Variants in DNAL4 observed in about 807,000 individuals in gnomAD.
DNAL4 encodes dynein axonemal light chain 4.
A neutral mutation model predicts 12.6 loss-of-function variants in DNAL4; 10 were observed. That is an observed-to-expected ratio of 0.79 (90% CI 0.49 to 1.34). The LOEUF (loss-of-function observed/expected upper bound fraction) is 1.34, where lower values mean the gene tolerates loss of function less well. DNAL4 is among the 40% of genes most tolerant of loss of function. The pLI, the probability that DNAL4 is intolerant of heterozygous loss-of-function variation, is 0.00. For synonymous variants in DNAL4, 46 were observed against 53.1 expected (o/e 0.87, Z 0.58); for missense variants, 128 against 138.1 (o/e 0.93, Z 0.37).
chr22:38,781,057 ACCTGGCCTT>A (rs1419456860), intron 2 of DNAL4, 48 bp from the exon 3 acceptor site: 7 of 1,605,986 alleles, frequency 4.4e-6, no homozygotes, highest in Non-Finnish European at 5.1e-6. Flanking sequence ...TTAGCCCGTG[ACCTGGCCTT>A]CCTGGCTGGC....
intron 1 of DNAL4, among the ~76,000 whole-genome samples, chr22:38,791,029 T>G (rs1446489969): frequency 6.6e-6 from 1 of 151,872 alleles, no homozygotes; most frequent in Non-Finnish European, 1.5e-5. Context: ...TTAGCTGGTG[T>G]TGTGGCGCGC....
At chr22:38,791,245 GA>G (rs1166286161) in intron 1 of DNAL4, among the ~76,000 whole-genome samples, 1 of 152,062 alleles carries the variant, frequency 6.6e-6, no homozygotes, top group Admixed American at 6.6e-5. Context: ...CACTTCCCAT[GA>G]ATGAAGCGTA....
At chr22:38,785,330 T>A (rs2093040676) in intron 1 of DNAL4, 1 of 152,260 alleles carries the variant, frequency 6.6e-6, no homozygotes, top group African/African-American at 2.4e-5. Context: ...TGTTTATCTC[T>A]GAGAATTTCA....
intron 1 of DNAL4, among the ~76,000 whole-genome samples, chr22:38,790,654 G>C (rs761517195): frequency 6.6e-6 from 1 of 152,182 alleles, no homozygotes; most frequent in Non-Finnish European, 1.5e-5. Context: ...ACAGTCATGC[G>C]TTGCTTAATG....
intron 1 of DNAL4, among the ~76,000 whole-genome samples, chr22:38,788,316 C>T (rs910754640): frequency 5.9e-5 from 9 of 152,198 alleles, no homozygotes; most frequent in Non-Finnish European, 1.2e-4. Context: ...TTAGAAGATA[C>T]ATCATCTACT....
At chr22:38,787,630 T>C (rs2093044518) in intron 1 of DNAL4, among the ~76,000 whole-genome samples, 1 of 152,216 alleles carries the variant, frequency 6.6e-6, no homozygotes, top group Non-Finnish European at 1.5e-5. Context: ...TCCTTCTTCA[T>C]AGACCAACCT....
chr22:38,791,156 G>A (rs2093049983), intron 1 of DNAL4, among the ~76,000 whole-genome samples: 1 of 148,522 alleles, frequency 6.7e-6, no homozygotes, highest in African/African-American at 2.5e-5. Flanking sequence ...AGCAGAGCGA[G>A]TCTCCACCTC....
chr22:38,788,283 T>C (rs1432980368), intron 1 of DNAL4, among the ~76,000 whole-genome samples: 1 of 152,192 alleles, frequency 6.6e-6, no homozygotes, highest in Non-Finnish European at 1.5e-5. Flanking sequence ...GCTGCCATTT[T>C]AAAATTCTGC....
At chr22:38,788,687 A>C (rs2093046071) in intron 1 of DNAL4, among the ~76,000 whole-genome samples, 2 of 152,246 alleles carry the variant, frequency 1.3e-5, no homozygotes, top group African/African-American at 4.8e-5. Flanking sequence ...GCTCCCGGAG[A>C]ACAGCTGCTC....
chr22:38,784,509 T>C (rs1169187832), intron 1 of DNAL4, among the ~76,000 whole-genome samples: 8 of 149,266 alleles, frequency 5.4e-5, no homozygotes, highest in African/African-American at 1.7e-4. Flanking sequence ...TCTTTCACTT[T>C]TTTTTTTTTT....
At position 38,782,751 on chromosome 22, in the gene DNAL4, C is replaced by T. The variant is rs753061475; in HGVS notation, c.-20G>A. 3 of 1,603,340 alleles carry T rather than the reference C, an allele frequency of 1.9e-6. No homozygotes were observed. The highest frequency in any genetic ancestry group is 4.6e-5 in the East Asian group (2 of 43,622). On this transcript the variant is annotated 5_prime_UTR_variant, in exon 2 of 4. The change creates a new upstream start codon in the 5' untranslated region. Coordinates refer to ENST00000216068, the MANE Select transcript of DNAL4 (RefSeq NM_005740.3). This position sits in a 1 kb window ranked among gnomAD's most constrained non-coding sequence, Gnocchi z 5.1. ...TCCCATGATCCTTCCACTGTGACCA[C>T]TGGAGGAGAGTGGGGCTTTCAGGAG...
rs149945094 is a variant in DNAL4, at chr22:38,782,812, T to A, written c.-81A>T. 36,958 of 1,380,492 alleles carry A rather than the reference T, an allele frequency of 0.027. 583 individuals are homozygous for A. The highest frequency in any genetic ancestry group is 0.029 in the Non-Finnish European group (29,511 of 1,021,360). The allele number at this position is 1,380,492 out of a possible 1,614,324, so 85.5% of individuals were successfully genotyped here. On this transcript the variant is annotated 5_prime_UTR_variant, in exon 2 of 4. Transcript: ENST00000216068. The surrounding 1 kb of genome is among the most constrained non-coding windows in gnomAD (Gnocchi z 5.1). ...TGGCAGTTAAGACACACCCAGGAGA[T>A]TCAGGAAGCAGGCCCTGCCAACTCG... is the stretch of plus-strand genomic sequence containing the variant.
intron 3 of DNAL4, among the ~76,000 whole-genome samples, chr22:38,780,042 T>G (rs1046103795): frequency 1.3e-5 from 2 of 152,154 alleles, no homozygotes; most frequent in Non-Finnish European, 2.9e-5. Context: ...ATGCGTTCAG[T>G]GGGCTCTGGG....
In DNAL4 at chr22:38,779,406, G is replaced by C. The variant is rs763232892; in HGVS notation, c.*43C>G. 1.3e-6 allele frequency: 2 copies of C among 1,537,444 alleles called. No homozygotes were observed. ...GGGCTGCTCCCCACCCCAGATGAGT[G>C]GCAGGAAAAGGCCCTGCAGGGGACG... On this transcript the variant is annotated 3_prime_UTR_variant, in exon 4 of 4. Coordinates refer to ENST00000216068, the MANE Select transcript of DNAL4 (RefSeq NM_005740.3). This position sits in a 1 kb window ranked among gnomAD's most constrained non-coding sequence, Gnocchi z 4.3.
chr22:38,784,985 C>G lies in DNAL4; in HGVS notation c.-139-2115G>C, dbSNP rs376651547. 2.4e-3 allele frequency among the ~76,000 whole-genome samples: 367 copies of G among 150,546 alleles called. 2 individuals are homozygous for G. The highest frequency in any genetic ancestry group is 8.0e-3 in the African/African-American group (327 of 40,890). ...GGAAGCCTGGCACAGACCCCCCCCCCCATCCAATGACATTGGTATTTTCTG... is the reference window on the plus strand; with the variant it reads ...GGAAGCCTGGCACAGACCCCCCCCCGCATCCAATGACATTGGTATTTTCTG... On this transcript the variant is annotated intron_variant, in intron 1 of 3. Coordinates refer to ENST00000216068, the MANE Select transcript of DNAL4 (RefSeq NM_005740.3).
chr22:38,786,082 G>A (rs920467592), intron 1 of DNAL4: 5 of 152,172 alleles, frequency 3.3e-5, no homozygotes, highest in South Asian at 2.1e-4. Context: ...TTTTTATGAC[G>A]CTGTATCATT....
intron 1 of DNAL4, among the ~76,000 whole-genome samples, chr22:38,792,607 T>G (rs2093052622): frequency 6.6e-6 from 1 of 152,256 alleles, no homozygotes; most frequent in Non-Finnish European, 1.5e-5. Context: ...TTTAACATTT[T>G]TAACTTTTTT....
At chr22:38,787,327 C>T (rs1442508645) in intron 1 of DNAL4, among the ~76,000 whole-genome samples, 4 of 151,744 alleles carry the variant, frequency 2.6e-5, no homozygotes, top group East Asian at 3.9e-4. Context: ...CTGCAACCTC[C>T]GCCTCCCGGG....
chr22:38,793,779 C>T (rs1036084418), intron 1 of DNAL4, among the ~76,000 whole-genome samples: 1 of 151,670 alleles, frequency 6.6e-6, no homozygotes, highest in African/African-American at 2.4e-5. Context: ...TGGGGGAAGT[C>T]GGCTAAAGGG....
Sources: gnomAD v4.1 joint callset for allele counts (sites outside exome capture counted in the v4.1 genomes callset) on GRCh38, gnomAD v4.1.1 for gene constraint, Gnocchi (gnomAD v3.1) non-coding constraint, MANE v1.5 for transcripts, NCBI Gene and HGNC (gene_info 2026-07-23, HGNC 2026-07-21) for gene names.